The following STOX2 variants were observed in gnomAD, a reference collection of about 807,000 sequenced individuals.
STOX2 encodes the protein storkhead box 2.
A neutral mutation model predicts 60.9 loss-of-function variants in STOX2; 28 were observed. That is an observed-to-expected ratio of 0.46 (90% CI 0.34 to 0.63). The LOEUF (loss-of-function observed/expected upper bound fraction) is 0.63. Ranked by LOEUF, STOX2 falls within the 30% of genes least tolerant of loss-of-function variation. The probability of loss-of-function intolerance (pLI) is 0.01; values close to 1 mark genes in which losing one functional copy is unlikely to be tolerated. For missense variants in STOX2, 1,024 were observed against 1,187.7 expected, an observed-to-expected ratio of 0.86 and a Z score of 2.03; for synonymous variants, 472 against 463.9, an observed-to-expected ratio of 1.02 and a Z score of -0.22.
chr4:183,944,482 A>G (rs887297756), intron 1 of STOX2, among the ~76,000 whole-genome samples: 11 of 152,184 alleles, frequency 7.2e-5, no homozygotes, highest in African/African-American at 2.4e-4. Flanking sequence ...TTGGGAGGCC[A>G]AGGTGGGTGG....
intron 1 of STOX2, among the ~76,000 whole-genome samples, chr4:183,914,941 A>T (rs1164774828): frequency 1.3e-5 from 2 of 152,244 alleles, no homozygotes. Context: ...GTCTATAGTC[A>T]GGTCTGAAAA....
At chr4:183,817,737 T>A (rs1199917572) in intron 1 of STOX2, among the ~76,000 whole-genome samples, 1 of 152,144 alleles carries the variant, frequency 6.6e-6, no homozygotes, top group Non-Finnish European at 1.5e-5. Flanking sequence ...AGATTTGCCT[T>A]TGTGACTTGT....
rs191229130 is a variant in STOX2, at chr4:183,849,719, A to G, written c.364+51664A>G. ...AAATAAAGACTGGAGCCATCCACAC[A>G]TCGGGATCAGGATGGAGTGAGATTG... On this transcript the variant is annotated intron_variant, in intron 1 of 2. Coordinates refer to the STOX2 transcript ENST00000513034. 1.5e-4 allele frequency among the ~76,000 whole-genome samples: 23 copies of G among 152,270 alleles called. No homozygotes were observed. In the South Asian group the frequency reaches 3.3e-3, roughly 22 times the overall value.
chr4:183,803,496 A>G (rs1738814747), intron 1 of STOX2, among the ~76,000 whole-genome samples: 1 of 152,256 alleles, frequency 6.6e-6, no homozygotes, highest in African/African-American at 2.4e-5. Context: ...AATAGCTTGA[A>G]TTGCTTAACA....
chr4:183,922,725 G>T (rs114938071), intron 1 of STOX2, among the ~76,000 whole-genome samples: 1 of 152,092 alleles, frequency 6.6e-6, no homozygotes, highest in African/African-American at 2.4e-5. Context: ...CAACATCAGG[G>T]TGTATCCTGG....
At chr4:183,879,557 C>T (rs1264755118) in intron 1 of STOX2, among the ~76,000 whole-genome samples, 2 of 152,188 alleles carry the variant, frequency 1.3e-5, no homozygotes, top group African/African-American at 2.4e-5. Context: ...TTAAGTGAGC[C>T]GCATCTCCAT....
chr4:183,853,193 A>G (rs1353638105), intron 1 of STOX2, among the ~76,000 whole-genome samples: 1 of 152,206 alleles, frequency 6.6e-6, no homozygotes, highest in Non-Finnish European at 1.5e-5. Flanking sequence ...TCTATAAAAT[A>G]CAGGTGGCTT....
At chr4:183,928,724 T>A (rs186430756) in intron 1 of STOX2, among the ~76,000 whole-genome samples, 1 of 151,894 alleles carries the variant, frequency 6.6e-6, no homozygotes, top group East Asian at 1.9e-4. Context: ...AACAACTTAG[T>A]GTCTCAGGAG....
rs1416851139 is a variant in STOX2, at chr4:184,010,947, G to C, written c.2109G>C (p.Leu703=). Residue 703 remains leucine, a synonymous_variant, in exon 3 of 4, where the codon CTG becomes CTC. Coordinates refer to ENST00000308497, the MANE Select transcript of STOX2 (RefSeq NM_020225.3). The surrounding 1 kb of genome is among the most constrained non-coding windows in gnomAD (Gnocchi z 4.5). The stretch of plus-strand genomic sequence containing the variant: ...AAGAGATATTTAGCAAAGACACACT[G>C]TTCAAACCTCTTCACAGCACCTTGT... The part of the protein sequence containing the change: ...KRKEIFSKDT[L]FKPLHSTLSV... 6.2e-7 allele frequency: 1 copy of C among 1,613,482 alleles called. No individual in the cohort carries two copies. Among genetic ancestry groups the C allele is most frequent in the African/African-American group, 1.3e-5 (1 of 75,056 alleles).
At chr4:183,965,692 G>T (rs59823756) in intron 1 of STOX2, among the ~76,000 whole-genome samples, 9,415 of 152,124 alleles carry the variant, frequency 0.062, 423 homozygotes, top group African/African-American at 0.12. Context: ...AAGCTCATTC[G>T]GGCACTTATG....
chr4:183,871,863 A>G (rs111299837), intron 1 of STOX2, among the ~76,000 whole-genome samples: 3 of 152,288 alleles, frequency 2.0e-5, no homozygotes, highest in African/African-American at 4.8e-5. Flanking sequence ...ATATGCAGCT[A>G]TAATTCACTA....
intron 1 of STOX2, among the ~76,000 whole-genome samples, chr4:183,921,224 C>G (rs1742091344): frequency 6.6e-6 from 1 of 152,098 alleles, no homozygotes; most frequent in Admixed American, 6.6e-5. Context: ...AATGACAGAA[C>G]TGGGGGCAAA....
intron 2 of STOX2, among the ~76,000 whole-genome samples, chr4:184,007,162 G>C (rs1733907097): frequency 6.6e-6 from 1 of 151,744 alleles, no homozygotes; most frequent in Non-Finnish European, 1.5e-5. Flanking sequence ...TAATTATATT[G>C]ATACATTATC....
intron 1 of STOX2, among the ~76,000 whole-genome samples, chr4:183,976,131 T>C (rs1732435403): frequency 1.3e-5 from 2 of 152,054 alleles, no homozygotes; most frequent in African/African-American, 4.8e-5. Context: ...GCCAACATGG[T>C]GAAACCTTGT....
At chr4:183,946,633 T>TG (rs1409236412) in intron 1 of STOX2, among the ~76,000 whole-genome samples, 3 of 140,472 alleles carry the variant, frequency 2.1e-5, no homozygotes, top group African/African-American at 9.6e-5. Flanking sequence ...TGTGGTTTTT[T>TG]TTTTTTTTTT....
At chr4:183,942,810 T>C (rs57963668) in intron 1 of STOX2, among the ~76,000 whole-genome samples, 15,088 of 152,180 alleles carry the variant, frequency 0.099, 2,543 homozygotes, top group African/African-American at 0.34. Flanking sequence ...AAAAAACTTT[T>C]TTAATGGTTT....
intron 1 of STOX2, among the ~76,000 whole-genome samples, chr4:183,930,183 T>A (rs1473416794): frequency 1.4e-5 from 2 of 140,786 alleles, no homozygotes; most frequent in African/African-American, 5.9e-5. Flanking sequence ...TTTTTTTTTT[T>A]AAGACAGGGT....
In STOX2 at chr4:183,936,494, C is replaced by CT. The variant is rs200726605; in HGVS notation, c.166+29547dup. Among the ~76,000 whole-genome samples, 570 of 148,916 alleles carry CT rather than the reference C, an allele frequency of 3.8e-3. 18 individuals are homozygous for CT. The highest frequency in any genetic ancestry group is 0.026 in the Admixed American group (388 of 14,954). On this transcript the variant is annotated intron_variant, in intron 1 of 3. Coordinates refer to ENST00000308497, the MANE Select transcript of STOX2 (RefSeq NM_020225.3). ...ACTTTATTGTAAGGCCTGATAGTATCTTTTTTTTTCTCTATACCAAAGTTG... is the reference window on the plus strand; with the variant it reads ...ACTTTATTGTAAGGCCTGATAGTATCTTTTTTTTTTCTCTATACCAAAGTTG...
At chr4:183,919,113 A>G (rs767348483) in intron 1 of STOX2, among the ~76,000 whole-genome samples, 1 of 152,202 alleles carries the variant, frequency 6.6e-6, no homozygotes, top group Non-Finnish European at 1.5e-5. Context: ...TGATTCCACA[A>G]GTATTGGCTT....
Sources: gnomAD v4.1 joint callset for allele counts (sites outside exome capture counted in the v4.1 genomes callset) on GRCh38, gnomAD v4.1.1 for gene constraint, Gnocchi (gnomAD v3.1) non-coding constraint, MANE v1.5 for transcripts, NCBI Gene and HGNC (gene_info 2026-07-23, HGNC 2026-07-21) for gene names.